The following ADARB2 variants were observed in gnomAD, a reference collection of about 807,000 sequenced individuals.
The protein encoded by ADARB2 is inactive double-stranded RNA-specific editase B2.
In ADARB2, 25 loss-of-function variants were observed where a neutral mutation model predicts 62.2. The ratio of observed to expected loss-of-function variants is 0.40; its 90% CI spans 0.29 to 0.56. ADARB2 has a LOEUF of 0.56. Ranked by LOEUF, ADARB2 falls within the 20% of genes least tolerant of loss-of-function variation. The probability of loss-of-function intolerance (pLI) is 0.43; values close to 1 mark genes in which losing one functional copy is unlikely to be tolerated. For missense variants in ADARB2, 1,071 were observed against 1,077.4 expected, an observed-to-expected ratio of 0.99 and a Z score of 0.08; for synonymous variants, 572 against 500.8, an observed-to-expected ratio of 1.14 and a Z score of -1.90.
At chr10:1,354,681 C>A (rs1463288211) in intron 3 of ADARB2, among the ~76,000 whole-genome samples, 1 of 152,228 alleles carries the variant, frequency 6.6e-6, no homozygotes, top group Non-Finnish European at 1.5e-5. Flanking sequence ...AGGTGGCACC[C>A]CATGTGCTCT....
At chr10:1,685,364 T>C (rs1429451486) in intron 1 of ADARB2, among the ~76,000 whole-genome samples, 1 of 152,214 alleles carries the variant, frequency 6.6e-6, no homozygotes, top group African/African-American at 2.4e-5. Flanking sequence ...GCAACACGAA[T>C]GACTCCATAC....
chr10:1,693,001 T>TAG (rs1455903031), intron 1 of ADARB2, among the ~76,000 whole-genome samples: 3 of 152,292 alleles, frequency 2.0e-5, no homozygotes, highest in Non-Finnish European at 4.4e-5. Flanking sequence ...CTCCAGGTGC[T>TAG]AGTCCTGAAG....
chr10:1,532,209 G>T (rs1334157974), intron 1 of ADARB2, among the ~76,000 whole-genome samples: 3 of 148,988 alleles, frequency 2.0e-5, no homozygotes, highest in African/African-American at 7.3e-5. Context: ...GTATCAGCCC[G>T]CACCATTCCC....
intron 1 of ADARB2, among the ~76,000 whole-genome samples, chr10:1,591,785 C>T (rs1212794767): frequency 6.6e-6 from 1 of 152,242 alleles, no homozygotes; most frequent in Non-Finnish European, 1.5e-5. Flanking sequence ...CCATGGAAAA[C>T]TCCTTAGGGC....
chr10:1,293,113 GAA>G (rs1249649352), intron 3 of ADARB2: 22 of 107,108 alleles, frequency 2.1e-4, no homozygotes, highest in African/African-American at 8.1e-4. Context: ...GGGGGAGAGA[GAA>G]AGAGAAAGGG....
At chr10:1,569,180 C>CAG (rs902227149) in intron 1 of ADARB2, among the ~76,000 whole-genome samples, 14 of 149,332 alleles carry the variant, frequency 9.4e-5, no homozygotes, top group South Asian at 4.3e-4. Context: ...AGGAGAGGGA[C>CAG]AGAGAGAGAG....
At chr10:1,374,634 G>A (rs1315419621) in intron 2 of ADARB2, among the ~76,000 whole-genome samples, 2 of 152,164 alleles carry the variant, frequency 1.3e-5, no homozygotes. Context: ...CGTATGCAGC[G>A]CTGCGCTTGC....
At chr10:1,512,055 T>A (rs1382590707) in intron 1 of ADARB2, among the ~76,000 whole-genome samples, 1 of 151,990 alleles carries the variant, frequency 6.6e-6, no homozygotes, top group Non-Finnish European at 1.5e-5. Context: ...AAGACATGGA[T>A]GCTGTCTACA....
rs1032376578 is a variant in ADARB2, at chr10:1,177,775, T to A, written c.*5418A>T. On this transcript the variant is annotated 3_prime_UTR_variant, in exon 10 of 10. Transcript: ENST00000381312. ...CACCAGGGTTTGATCTGTCTGCGGTTCCCGCAGGAGTGATATTGTTTGGTG... is the reference window on the plus strand; with the variant it reads ...CACCAGGGTTTGATCTGTCTGCGGTACCCGCAGGAGTGATATTGTTTGGTG... 2 of 152,238 alleles carry A rather than the reference T, an allele frequency of 1.3e-5. No individual in the cohort carries two copies. The highest frequency in any genetic ancestry group is 2.9e-5 in the Non-Finnish European group (2 of 68,056). 9.4% of individuals were successfully genotyped at this position (152,238 alleles called of 1,614,324 possible).
At chr10:1,632,247 A>C (rs1321270314) in intron 1 of ADARB2, among the ~76,000 whole-genome samples, 1 of 152,024 alleles carries the variant, frequency 6.6e-6, no homozygotes, top group Non-Finnish European at 1.5e-5. Flanking sequence ...CATTACACAC[A>C]CATGCCACAT....
chr10:1,487,930 T>C (rs541199275), intron 1 of ADARB2, among the ~76,000 whole-genome samples: 2 of 152,158 alleles, frequency 1.3e-5, no homozygotes, highest in Admixed American at 6.5e-5. Flanking sequence ...AACAAACAGA[T>C]GAAAGGGAAT....
At chr10:1,261,725 T>A (rs1320360679) in intron 4 of ADARB2, among the ~76,000 whole-genome samples, 1 of 150,224 alleles carries the variant, frequency 6.7e-6, no homozygotes, top group South Asian at 2.1e-4. Flanking sequence ...ATTGTGGAAG[T>A]CAGTGTGGCG....
chr10:1,555,569 C>T (rs989003783), intron 1 of ADARB2, among the ~76,000 whole-genome samples: 14 of 152,016 alleles, frequency 9.2e-5, no homozygotes, highest in South Asian at 2.1e-4. Flanking sequence ...AAGGATGGAC[C>T]GGGGCTTCAT....
intron 1 of ADARB2, among the ~76,000 whole-genome samples, chr10:1,624,104 C>T (rs372427835): frequency 1.9e-4 from 29 of 152,042 alleles, no homozygotes; most frequent in Admixed American, 7.2e-4. Flanking sequence ...CATGGTGGCA[C>T]GCACCTGTGG....
chr10:1,464,054 G>C (rs1831211584), intron 1 of ADARB2, among the ~76,000 whole-genome samples: 1 of 152,252 alleles, frequency 6.6e-6, no homozygotes, highest in South Asian at 2.1e-4. Context: ...TGCTGACAAG[G>C]ATGTGGAGGG....
At chr10:1,552,894 C>A (rs1588299577) in intron 1 of ADARB2, among the ~76,000 whole-genome samples, 1 of 149,828 alleles carries the variant, frequency 6.7e-6, no homozygotes, top group East Asian at 2.0e-4. Flanking sequence ...TTGGTTTTTA[C>A]CTCCTGTGGA....
intron 1 of ADARB2, among the ~76,000 whole-genome samples, chr10:1,677,249 C>T (rs761199844): frequency 1.3e-5 from 2 of 152,216 alleles, no homozygotes; most frequent in Non-Finnish European, 2.9e-5. Flanking sequence ...GGAGGAATTC[C>T]TCACTAGAGT....
chr10:1,731,328 A>G (rs374741648), intron 1 of ADARB2, among the ~76,000 whole-genome samples: 148 of 152,334 alleles, frequency 9.7e-4, no homozygotes, highest in African/African-American at 3.3e-3. Context: ...CAAATAAACG[A>G]GTAAATAAAA....
At chr10:1,733,651 T>G (rs1049740674) in intron 1 of ADARB2, among the ~76,000 whole-genome samples, 1 of 152,222 alleles carries the variant, frequency 6.6e-6, no homozygotes, top group African/African-American at 2.4e-5. Context: ...AAAACCCTTT[T>G]TCTTTATTAT....
Sources: gnomAD v4.1 joint callset for allele counts (sites outside exome capture counted in the v4.1 genomes callset) on GRCh38, gnomAD v4.1.1 for gene constraint, MANE v1.5 for transcripts, NCBI Gene and HGNC (gene_info 2026-07-23, HGNC 2026-07-21) for gene names.